Variants in CAPN11 observed in about 807,000 individuals in gnomAD.
The protein encoded by CAPN11 is calpain 11, also known as calpain-11.
Under a neutral mutation model 105.3 loss-of-function variants are expected in CAPN11, and 108 were observed. That is an observed-to-expected ratio of 1.03 (90% CI 0.88 to 1.20). The LOEUF is 1.20. CAPN11 is among the 50% of genes most tolerant of loss of function. CAPN11 has a pLI of 0.00. For missense variants in CAPN11, 883 were observed against 924.8 expected, an observed-to-expected ratio of 0.95 and a Z score of 0.59; for synonymous variants, 329 against 344.5, an observed-to-expected ratio of 0.96 and a Z score of 0.50.
intron 1 of CAPN11, among the ~76,000 whole-genome samples, chr6:44,166,202 A>G (rs1272726073): frequency 1.3e-5 from 2 of 152,180 alleles, no homozygotes; most frequent in African/African-American, 4.8e-5. Context: ...GCAATGAATC[A>G]TCTGTCGATG....
At chr6:44,167,542 G>A (rs1770160704) in intron 2 of CAPN11, among the ~76,000 whole-genome samples, 1 of 122,430 alleles carries the variant, frequency 8.2e-6, no homozygotes, top group African/African-American at 3.3e-5. Context: ...TGTTTAGATG[G>A]TCTGGAGGCC....
At position 44,180,089 on chromosome 6, in the gene CAPN11, T is replaced by A; in HGVS notation, c.1566T>A (p.Ile522=). The A allele has an allele frequency of 6.2e-7, 1 of 1,613,514 alleles. No homozygotes were observed. The highest frequency in any genetic ancestry group is 8.5e-7 in the Non-Finnish European group (1 of 1,179,668). The change falls in exon 14 of 23, where the codon ATT becomes ATA. Residue 522 remains isoleucine, a synonymous_variant. Coordinates refer to ENST00000398776, the MANE Select transcript of CAPN11 (RefSeq NM_007058.4). The part of the protein sequence containing the change: ...LRLPPGEYII[I]PSTFEPHRDA... ...TGCCTCCGGGGGAATATATCATTAT[T>A]CCCTCCACCTTTGAGCCACACAGAG...
intron 7 of CAPN11, among the ~76,000 whole-genome samples, chr6:44,173,781 G>T (rs1417051072): frequency 6.6e-6 from 1 of 151,832 alleles, no homozygotes; most frequent in African/African-American, 2.4e-5. Flanking sequence ...AAGGGGTTTT[G>T]TCATGTTGGC....
Position 44,182,979 on chromosome 6 carries a change from C to G in CAPN11, c.1977C>G (p.Thr659=), listed in dbSNP as rs1258539028. 3.1e-6 allele frequency: 5 copies of G among 1,611,758 alleles called. No homozygotes were observed. In the Admixed American group the frequency reaches 5.0e-5, roughly 16 times the overall value. The change falls in exon 20 of 23, where the codon ACC becomes ACG. Residue 659 remains threonine, a synonymous_variant. Transcript: ENST00000398776. ...AGTGTGACCAGGACCATTCAGGCAC[C>G]TTGAACTCCTATGAGATGCGCCTGG... ...FRECDQDHSG[T]LNSYEMRLVI... is the part of the protein sequence containing the mutation.
chr6:44,175,073 T>C (rs73429788), intron 7 of CAPN11, among the ~76,000 whole-genome samples: 20,266 of 152,208 alleles, frequency 0.13, 1,676 homozygotes, highest in African/African-American at 0.22. Context: ...TTCTATATCT[T>C]GACAGTGGTG....
Position 44,183,690 on chromosome 6 carries a change from T to C in CAPN11, c.2135-15T>C. On this transcript the variant is annotated splice_polypyrimidine_tract_variant and intron_variant, in intron 21 of 22. Transcript: ENST00000398776. The stretch of plus-strand genomic sequence containing the variant: ...TAGCATTCAGCCCCTCTCCCCCGCT[T>C]CCTCTGTAACGCAGCATTCTTTCTA... 6.2e-7 allele frequency: 1 copy of C among 1,613,436 alleles called. No individual in the cohort carries two copies. Among genetic ancestry groups the C allele is most frequent in the South Asian group, 1.1e-5 (1 of 90,942 alleles).
chr6:44,160,114 G>A (rs1768458872), intron 1 of CAPN11, among the ~76,000 whole-genome samples: 1 of 151,646 alleles, frequency 6.6e-6, no homozygotes, highest in Admixed American at 6.6e-5. Flanking sequence ...AAGCCTGGGC[G>A]ACACAGCGAG....
rs76955092 is a variant in CAPN11, at chr6:44,161,925, G to A, written c.16+3061G>A. 45 of 455,660 alleles carry A rather than the reference G, an allele frequency of 9.9e-5. No individual in the cohort carries two copies. The East Asian group carries it at 3.0e-3, about 30-fold the overall frequency. 28.2% of individuals were successfully genotyped at this position (455,660 alleles called of 1,614,324 possible). On this transcript the variant is annotated intron_variant, in intron 1 of 22. Coordinates refer to ENST00000398776, the MANE Select transcript of CAPN11 (RefSeq NM_007058.4). ...ACCTTAGATGATTCGCTCAACCCAG[G>A]TTTGTCAACCCCAGCTCTCTTGACA...
intron 13 of CAPN11, 128 bp downstream of exon 13, chr6:44,179,758 C>T (rs1772811696): frequency 9.5e-7 from 1 of 1,057,812 alleles, no homozygotes; most frequent in African/African-American, 1.6e-5. Flanking sequence ...GATTCCAGCC[C>T]TCTTCAGGGC....
rs1178593851 is a variant in CAPN11, at chr6:44,176,633, A to C, written c.1054A>C (p.Lys352Gln). 2.5e-6 allele frequency: 4 copies of C among 1,606,622 alleles called. No homozygotes were observed. The Admixed American group carries it at 6.7e-5, about 27-fold the overall frequency. ...AGACATCCAGATGCAGCTGCTGCAC[A>C]AGACGGAGGACGGGGAGTTCTGGTC... ...ASDIQMQLLH[K>Q]TEDGEFWMSY... Residue 352 changes from lysine (K) to glutamine (Q), a missense_variant, in exon 10 of 23, where the codon AAG becomes CAG. By Grantham distance (53) the Lys-to-Gln change is moderately conservative. Coordinates refer to ENST00000398776, the MANE Select transcript of CAPN11 (RefSeq NM_007058.4).
Position 44,183,907 on chromosome 6 carries a change from G to C in CAPN11, c.2195G>C (p.Trp732Ser). The change falls in exon 23 of 23, where the codon TGG (tryptophan) becomes TCG (serine). Residue 732 changes from tryptophan to serine, a missense_variant and splice_region_variant. Transcript: ENST00000398776. ...GGGATCTGCTTCCTGTCTCCACAGTGGCTGCAGATGACCATGTGGGGATAG... is the reference window on the plus strand; with the variant it reads ...GGGATCTGCTTCCTGTCTCCACAGTCGCTGCAGATGACCATGTGGGGATAG... ...TGHICLSLEQWLQMTMWG is the reference protein window; with the variant it reads ...TGHICLSLEQSLQMTMWG 1 of 1,558,400 alleles carries C rather than the reference G, an allele frequency of 6.4e-7. No homozygotes were observed. Among genetic ancestry groups the C allele is most frequent in the Non-Finnish European group, 8.7e-7 (1 of 1,150,772 alleles).
At chr6:44,171,835 G>T (rs368879710) in intron 4 of CAPN11, among the ~76,000 whole-genome samples, 2 of 152,218 alleles carry the variant, frequency 1.3e-5, no homozygotes, top group Admixed American at 6.5e-5. Context: ...GGAGGCCAAG[G>T]CTGGCAGATC....
chr6:44,171,220 G>A (rs892898381), intron 4 of CAPN11, among the ~76,000 whole-genome samples: 4 of 152,190 alleles, frequency 2.6e-5, no homozygotes, highest in African/African-American at 9.7e-5. Flanking sequence ...ACAGCACCCT[G>A]CCCCTGGACC....
At chr6:44,163,836 TTTTG>T (rs890327191) in intron 1 of CAPN11, among the ~76,000 whole-genome samples, 6 of 152,072 alleles carry the variant, frequency 3.9e-5, no homozygotes, top group Non-Finnish European at 7.4e-5. Context: ...CCTTATTATT[TTTTG>T]TTTGTTTGTT....
rs1162456514 is a variant in CAPN11, at chr6:44,183,748, C to T, written c.2178C>T (p.Cys726=). Residue 726 remains cysteine, a synonymous_variant, in exon 22 of 23, where the codon TGC becomes TGT. Coordinates refer to ENST00000398776, the MANE Select transcript of CAPN11 (RefSeq NM_007058.4). ...ACCCCAAGAATACTGGCCATATTTG[C>T]TTGAGCCTGGAACAGGTACTTGGAG... ...TMDPKNTGHI[C]LSLEQWLQMT... The T allele has an allele frequency of 1.2e-6, 2 of 1,613,858 alleles. No individual in the cohort carries two copies. Among genetic ancestry groups the T allele is most frequent in the Non-Finnish European group, 1.7e-6 (2 of 1,179,830 alleles).
At chr6:44,172,152 A>G in intron 4 of CAPN11, 150 bp from the exon 5 acceptor site, 1 of 561,788 alleles carries the variant, frequency 1.8e-6, no homozygotes, top group Non-Finnish European at 3.2e-6. Context: ...AACACTCTTT[A>G]GTGGGAGGGC....
Position 44,180,642 on chromosome 6 carries a change from T to C in CAPN11, c.1726T>C (p.Phe576Leu), listed in dbSNP as rs770284628. The change falls in exon 16 of 23, where the codon TTT becomes CTT. Residue 576 changes from phenylalanine to leucine, a missense_variant. Phe to Leu is a conservative substitution (Grantham distance 22). Transcript: ENST00000398776. Reference protein sequence around the residue: ...DDMDQDFLHLFKIVAGEGKEI... With the variant: ...DDMDQDFLHLLKIVAGEGKEI... The stretch of plus-strand genomic sequence containing the variant: ...CATGGACCAGGACTTCCTACATTTG[T>C]TTAAGATAGTGGCAGGAGAGGTGAG... 3.7e-6 allele frequency: 6 copies of C among 1,613,526 alleles called. No homozygotes were observed. In the African/African-American group the frequency reaches 5.3e-5, roughly 14 times the overall value.
intron 12 of CAPN11, among the ~76,000 whole-genome samples, chr6:44,177,953 G>T (rs1198202035): frequency 6.6e-6 from 1 of 152,060 alleles, no homozygotes; most frequent in Admixed American, 6.6e-5. Context: ...GACCTCCCAG[G>T]CTCAAGCAAT....
chr6:44,171,791 C>G (rs914266805), intron 4 of CAPN11, among the ~76,000 whole-genome samples: 2 of 152,220 alleles, frequency 1.3e-5, no homozygotes, highest in Non-Finnish European at 2.9e-5. Context: ...TACAGCCAGG[C>G]ACTGTGGCTC....
Sources: allele counts gnomAD v4.1 joint callset (sites outside exome capture counted in the v4.1 genomes callset), GRCh38; gene constraint gnomAD v4.1.1; transcripts MANE v1.5; gene names NCBI Gene and HGNC (gene_info 2026-07-23, HGNC 2026-07-21).